Variants in LIPJ observed in about 807,000 individuals in gnomAD.
LIPJ encodes lipase member J.
LIPJ carries 33 observed loss-of-function variants against 39.8 expected under a neutral mutation model. The ratio of observed to expected loss-of-function variants is 0.83; its 90% CI spans 0.63 to 1.11. LIPJ has a LOEUF of 1.11. LIPJ is among the 50% of genes least tolerant of loss of function. The pLI is 0.00. For missense variants in LIPJ, 422 were observed against 427.9 expected (o/e 0.99, Z 0.12); for synonymous variants, 128 against 139.2 (o/e 0.92, Z 0.57).
At chr10:88,605,913 C>T (rs910380896) in intron 10 of LIPJ, among the ~76,000 whole-genome samples, 10 of 152,026 alleles carry the variant, frequency 6.6e-5, no homozygotes, top group Non-Finnish European at 2.9e-5. Context: ...ACAAATAACC[C>T]GGATAAGTCC....
chr10:88,583,068 C>A, upstream of LIPJ: 2 of 1,609,948 alleles, frequency 1.2e-6, no homozygotes, highest in Non-Finnish European at 1.7e-6. Flanking sequence ...GTTTAGACAA[C>A]CCACCTGAGT....
At chr10:88,611,447 A>G (rs188767403), downstream of LIPJ, among the ~76,000 whole-genome samples, 2 of 152,384 alleles carry the variant, frequency 1.3e-5, no homozygotes, top group East Asian at 3.9e-4. Flanking sequence ...GAATTCAGAA[A>G]GTTGATTATT....
intron 4 of LIPJ, 89 bp from the exon 5 acceptor site, chr10:88,593,857 T>A: frequency 9.2e-7 from 1 of 1,085,814 alleles, no homozygotes; most frequent in Non-Finnish European, 1.3e-6. Context: ...CTTTAAACTG[T>A]CATGTACTAA....
intron 9 of LIPJ, 57 bp from the exon 10 acceptor site, chr10:88,605,576 C>A: frequency 8.2e-7 from 1 of 1,222,030 alleles, no homozygotes; most frequent in Non-Finnish European, 1.2e-6. Flanking sequence ...GCTTAACTTG[C>A]TCAGCTGCCA....
At chr10:88,594,038 C>T (rs374483415) in exon 5 of LIPJ, 2 of 1,612,282 alleles carry the variant, frequency 1.2e-6, no homozygotes, top group East Asian at 4.5e-5. Context: ...GGGCTTCATT[C>T]TGGCAGATGC....
chr10:88,599,429 C>A (rs1458301971), intron 8 of LIPJ, among the ~76,000 whole-genome samples: 1 of 151,982 alleles, frequency 6.6e-6, no homozygotes, highest in Non-Finnish European at 1.5e-5. Flanking sequence ...TTCCCACCTG[C>A]CAGACCCTGG....
At chr10:88,583,795 T>A (rs1186187736), upstream of LIPJ, 8 of 805,440 alleles carry the variant, frequency 9.9e-6, no homozygotes, top group African/African-American at 1.9e-5. Context: ...ATGGAAACAA[T>A]AACGTATACC....
the LIPJ span, among the ~76,000 whole-genome samples, chr10:88,619,383 T>C: frequency 1.2e-3 from 185 of 151,898 alleles, no homozygotes; most frequent in African/African-American, 3.5e-3. Flanking sequence ...TTTGATTTTA[T>C]AATTGCCAAA....
At chr10:88,619,318 A>T in the LIPJ span, among the ~76,000 whole-genome samples, 1 of 151,808 alleles carries the variant, frequency 6.6e-6, no homozygotes, top group Admixed American at 6.6e-5. Context: ...ATATGAGTAC[A>T]TTGGTATAGA....
At chr10:88,610,574 A>C (rs150569151), downstream of LIPJ, among the ~76,000 whole-genome samples, 1,108 of 152,268 alleles carry the variant, frequency 7.3e-3, 28 homozygotes, top group South Asian at 0.083. Flanking sequence ...ATTTTTATAA[A>C]ATTACAATTG....
At chr10:88,592,880 C>T (rs531640304) in intron 4 of LIPJ, 1 of 151,938 alleles carries the variant, frequency 6.6e-6, no homozygotes, top group Non-Finnish European at 1.5e-5. Flanking sequence ...AAAAAGCAAC[C>T]TAAGGCCATA....
At chr10:88,595,165 T>C (rs191377578) in intron 6 of LIPJ, among the ~76,000 whole-genome samples, 1 of 151,962 alleles carries the variant, frequency 6.6e-6, no homozygotes, top group Non-Finnish European at 1.5e-5. Context: ...GCTATGTATG[T>C]TTTTGCATTT....
chr10:88,596,502 C>A, intron 7 of LIPJ, 86 bp downstream of exon 7: 1 of 1,348,682 alleles, frequency 7.4e-7, no homozygotes, highest in South Asian at 1.8e-5. Context: ...TATACGTAGA[C>A]AACCACAAGT....
the LIPJ span, among the ~76,000 whole-genome samples, chr10:88,617,664 C>T: frequency 1.3e-5 from 2 of 152,158 alleles, no homozygotes; most frequent in African/African-American, 4.8e-5. Context: ...AAGTGCACAG[C>T]TTCCCTTCAC....
chr10:88,593,964 A>T (rs1291045090), exon 5 of LIPJ: 3 of 1,611,918 alleles, frequency 1.9e-6, no homozygotes, highest in Non-Finnish European at 2.5e-6. Context: ...GTTGTTGTAT[A>T]CTTGCAACAT....
At chr10:88,585,775 A>T (rs995155198), upstream of LIPJ, 3 of 152,146 alleles carry the variant, frequency 2.0e-5, no homozygotes, top group African/African-American at 7.2e-5. Flanking sequence ...GTAGCTTTCT[A>T]ACTAGTCTTC....
At chr10:88,620,999 G>T in the LIPJ span, among the ~76,000 whole-genome samples, 1 of 151,986 alleles carries the variant, frequency 6.6e-6, no homozygotes, top group South Asian at 2.1e-4. Context: ...CTTCTTAATG[G>T]GCAGTAATCC....
At chr10:88,614,592 A>T in the LIPJ span, among the ~76,000 whole-genome samples, 5 of 152,180 alleles carry the variant, frequency 3.3e-5, no homozygotes, top group African/African-American at 1.2e-4. Flanking sequence ...GATGTTCATG[A>T]TTGAAGACTT....
intron 7 of LIPJ, 56 bp from the exon 8 acceptor site, chr10:88,596,734 T>C: frequency 4.3e-6 from 6 of 1,392,708 alleles, no homozygotes; most frequent in Non-Finnish European, 6.0e-6. Flanking sequence ...ACCACAACAT[T>C]TCTTTAGCAC....
Sources: allele counts gnomAD v4.1 joint callset (sites outside exome capture counted in the v4.1 genomes callset), GRCh38; gene constraint gnomAD v4.1.1; transcripts MANE v1.5; gene names NCBI Gene and HGNC (gene_info 2026-07-23, HGNC 2026-07-21).